HECW2: variants seen among roughly 807,000 people sequenced by gnomAD.
HECW2 encodes E3 ubiquitin-protein ligase HECW2.
In HECW2, 61 loss-of-function variants were observed where a neutral mutation model predicts 175.2. The ratio of observed to expected loss-of-function variants is 0.35; its 90% confidence interval spans 0.28 to 0.43. HECW2 has a LOEUF of 0.43. Ranked by LOEUF, HECW2 falls within the 20% of genes least tolerant of loss-of-function variation. The pLI is 1.00. For missense variants in HECW2, 1,524 were observed against 2,000.5 expected (o/e 0.76, Z 4.54); for synonymous variants, 671 against 731.0 (o/e 0.92, Z 1.32).
chr2:196,539,084 T>C (rs1217005957), intron 1 of HECW2, among the ~76,000 whole-genome samples: 2 of 152,102 alleles, frequency 1.3e-5, no homozygotes, highest in East Asian at 1.9e-4. Flanking sequence ...GTGGCAGAAG[T>C]CCAGAAGTGC....
chr2:196,544,470 C>T (rs1408984268), intron 1 of HECW2, among the ~76,000 whole-genome samples: 1 of 152,224 alleles, frequency 6.6e-6, no homozygotes, highest in Non-Finnish European at 1.5e-5. Flanking sequence ...ACCTGTGACT[C>T]CCCAACTCCT....
intron 10 of HECW2, chr2:196,316,383 T>A (rs2105745385): frequency 6.6e-6 from 1 of 152,342 alleles, no homozygotes; most frequent in African/African-American, 2.4e-5. Flanking sequence ...CCACCATTTT[T>A]AAAACAGAGG....
chr2:196,408,658 A>T (rs1019900478), intron 2 of HECW2, among the ~76,000 whole-genome samples: 4 of 152,210 alleles, frequency 2.6e-5, no homozygotes, highest in Non-Finnish European at 4.4e-5. Flanking sequence ...AGAAGTAGAA[A>T]CTTTATGAAC....
intron 10 of HECW2, among the ~76,000 whole-genome samples, chr2:196,313,910 A>T (rs1691594311): frequency 1.3e-5 from 2 of 151,998 alleles, no homozygotes; most frequent in Admixed American, 1.3e-4. Context: ...AACACAAAAA[A>T]ACCAGCCAGG....
intron 1 of HECW2, among the ~76,000 whole-genome samples, chr2:196,572,189 T>C (rs903608744): frequency 2.6e-5 from 4 of 152,040 alleles, no homozygotes; most frequent in Admixed American, 6.5e-5. Context: ...AAGTTTTTGT[T>C]TTGTGTTTTT....
At chr2:196,360,166 G>T (rs563731185) in intron 2 of HECW2, among the ~76,000 whole-genome samples, 1 of 152,200 alleles carries the variant, frequency 6.6e-6, no homozygotes, top group Non-Finnish European at 1.5e-5. Context: ...AAACAGAACT[G>T]CCATTCGACC....
chr2:196,458,760 GCAGGCT>G (rs2125321976), intron 1 of HECW2, among the ~76,000 whole-genome samples: 2 of 152,278 alleles, frequency 1.3e-5, no homozygotes, highest in African/African-American at 4.8e-5. Flanking sequence ...CAGCTACTCA[GCAGGCT>G]GAGGCAGGAG....
At chr2:196,471,204 T>C (rs1255569228) in intron 1 of HECW2, among the ~76,000 whole-genome samples, 1 of 152,148 alleles carries the variant, frequency 6.6e-6, no homozygotes, top group Non-Finnish European at 1.5e-5. Flanking sequence ...AGCAGGATTA[T>C]TTGGAATAGA....
At chr2:196,458,809 T>G (rs1696622268) in intron 1 of HECW2, among the ~76,000 whole-genome samples, 1 of 152,180 alleles carries the variant, frequency 6.6e-6, no homozygotes, top group African/African-American at 2.4e-5. Flanking sequence ...GAGGTTGCAG[T>G]GAGCCGAGAT....
At chr2:196,421,618 A>C (rs1161098755) in intron 2 of HECW2, among the ~76,000 whole-genome samples, 1 of 152,228 alleles carries the variant, frequency 6.6e-6, no homozygotes, top group Non-Finnish European at 1.5e-5. Flanking sequence ...CAGAACAAAG[A>C]ATTTCTAAAC....
chr2:196,255,527 T>C (rs1235035846), intron 18 of HECW2, among the ~76,000 whole-genome samples: 4 of 152,214 alleles, frequency 2.6e-5, no homozygotes, highest in Non-Finnish European at 4.4e-5. Flanking sequence ...TTAAAAATTA[T>C]TGGGTTTTAA....
At chr2:196,478,444 G>A (rs776545321) in intron 1 of HECW2, among the ~76,000 whole-genome samples, 6 of 152,160 alleles carry the variant, frequency 3.9e-5, no homozygotes, top group Non-Finnish European at 8.8e-5. Context: ...ACATTGCCCA[G>A]TAGCTTTGCA....
At chr2:196,214,964 G>A (rs778181821) in intron 28 of HECW2, among the ~76,000 whole-genome samples, 2 of 152,022 alleles carry the variant, frequency 1.3e-5, no homozygotes, top group Admixed American at 6.5e-5. Context: ...TTCAATTTAG[G>A]ATAACATCTT....
At chr2:196,208,977 A>AT (rs757618387) in intron 28 of HECW2, among the ~76,000 whole-genome samples, 13 of 152,142 alleles carry the variant, frequency 8.5e-5, no homozygotes, top group Non-Finnish European at 1.3e-4. Flanking sequence ...GAAGCAGGGG[A>AT]TTTAGCCAGC....
chr2:196,553,359 G>C (rs1224349682), intron 1 of HECW2, among the ~76,000 whole-genome samples: 1 of 152,178 alleles, frequency 6.6e-6, no homozygotes, highest in Non-Finnish European at 1.5e-5. Flanking sequence ...ACTTGGCACT[G>C]AGACTCTTTC....
chr2:196,426,984 T>G (rs1214876370), intron 2 of HECW2, among the ~76,000 whole-genome samples: 1 of 152,206 alleles, frequency 6.6e-6, no homozygotes, highest in Admixed American at 6.5e-5. Flanking sequence ...ACAGTTGTTC[T>G]GCCATTCACT....
intron 1 of HECW2, among the ~76,000 whole-genome samples, chr2:196,548,934 C>T (rs1051697018): frequency 6.6e-6 from 1 of 152,140 alleles, no homozygotes; most frequent in African/African-American, 2.4e-5. Context: ...TTAGGGCCCA[C>T]CCTAATGACC....
At chr2:196,372,511 A>G (rs1409728953) in intron 2 of HECW2, among the ~76,000 whole-genome samples, 2 of 152,212 alleles carry the variant, frequency 1.3e-5, no homozygotes, top group East Asian at 3.8e-4. Context: ...CATGGTGTTT[A>G]TAAAAGGTGT....
At chr2:196,307,511 A>G (rs936818406) in intron 11 of HECW2, among the ~76,000 whole-genome samples, 8 of 144,926 alleles carry the variant, frequency 5.5e-5, no homozygotes, top group African/African-American at 2.0e-4. Context: ...TTGTTAAAGG[A>G]AAAAAAACTT....
Sources: gnomAD v4.1 joint callset for allele counts (sites outside exome capture counted in the v4.1 genomes callset) on GRCh38, gnomAD v4.1.1 for gene constraint, MANE v1.5 for transcripts, NCBI Gene and HGNC (gene_info 2026-07-23, HGNC 2026-07-21) for gene names.